SNCAIP: variants seen among roughly 807,000 people sequenced by gnomAD.
SNCAIP encodes the protein synphilin-1.
In SNCAIP, 43 loss-of-function variants were observed where a neutral mutation model predicts 86.7. The ratio of observed to expected loss-of-function variants is 0.50; its 90% CI spans 0.39 to 0.64. The LOEUF (loss-of-function observed/expected upper bound fraction) is 0.64, where lower values mean the gene tolerates loss of function less well. Among genes scored for constraint, SNCAIP ranks in the 30% least tolerant of loss-of-function variants. The pLI is 0.00. For missense variants in SNCAIP, 981 were observed against 1,103.1 expected (o/e 0.89, Z 1.57); for synonymous variants, 417 against 427.2 (o/e 0.98, Z 0.29).
At chr5:122,352,040 T>G (rs1470788814) in intron 1 of SNCAIP, among the ~76,000 whole-genome samples, 1 of 152,238 alleles carries the variant, frequency 6.6e-6, no homozygotes, top group Non-Finnish European at 1.5e-5. Context: ...TTCAAAATCT[T>G]GGATGCTCAG....
At position 122,423,671 on chromosome 5, in the gene SNCAIP, A is replaced by G. The variant is rs1776834086; in HGVS notation, c.934A>G (p.Arg312Gly). The change falls in exon 4 of 11, where the codon AGG becomes GGG. Residue 312 changes from arginine (R) to glycine (G), a missense_variant. Transcript: ENST00000261368. The part of the protein sequence containing the change: ...NRTSSQGPEE[R>G]SEYLKKVKSI... ...GACCAGCTCCCAAGGCCCAGAAGAA[A>G]GGAGTGAGTATCTGAAAAAAGTGAA... The G allele has an allele frequency of 6.2e-7, 1 of 1,609,944 alleles. No individual in the cohort carries two copies.
chr5:122,313,894 C>T (rs1250225885), intron 1 of SNCAIP, among the ~76,000 whole-genome samples: 1 of 152,152 alleles, frequency 6.6e-6, no homozygotes. Flanking sequence ...ATCTTTTGGA[C>T]ACCTCAGTTA....
chr5:122,445,253 A>C (rs939153892), intron 8 of SNCAIP, among the ~76,000 whole-genome samples: 2 of 152,236 alleles, frequency 1.3e-5, no homozygotes, highest in African/African-American at 4.8e-5. Context: ...ATGAATCTTC[A>C]TAATAAAAAA....
intron 1 of SNCAIP, among the ~76,000 whole-genome samples, chr5:122,341,040 C>T (rs760323899): frequency 2.0e-5 from 3 of 152,152 alleles, no homozygotes; most frequent in African/African-American, 7.2e-5. Context: ...TCTGGCCCAC[C>T]ACCCTTCCCC....
chr5:122,390,308 T>C (rs1394582372), intron 1 of SNCAIP, among the ~76,000 whole-genome samples: 1 of 152,164 alleles, frequency 6.6e-6, no homozygotes, highest in African/African-American at 2.4e-5. Flanking sequence ...TAGGTGCCTC[T>C]GCCGCCGCTG....
intron 3 of SNCAIP, among the ~76,000 whole-genome samples, chr5:122,415,967 G>A (rs1161798997): frequency 1.3e-5 from 2 of 152,198 alleles, no homozygotes; most frequent in Non-Finnish European, 2.9e-5. Flanking sequence ...ACAATAATGC[G>A]AAGACCACGT....
intron 1 of SNCAIP, among the ~76,000 whole-genome samples, chr5:122,338,837 A>T (rs1757006822): frequency 6.6e-6 from 1 of 152,160 alleles, no homozygotes; most frequent in Non-Finnish European, 1.5e-5. Context: ...ATGAGAGTTG[A>T]GTATGTAGAG....
chr5:122,440,897 G>T, intron 7 of SNCAIP, 143 bp downstream of exon 7: 3 of 796,348 alleles, frequency 3.8e-6, no homozygotes, highest in East Asian at 2.7e-5. Context: ...TGCTCTATTT[G>T]TGTTTCCAGA....
At position 122,423,416 on chromosome 5, in the gene SNCAIP, G is replaced by A. The variant is rs140366495; in HGVS notation, c.679G>A (p.Asp227Asn). 10 of 1,613,744 alleles carry A rather than the reference G, an allele frequency of 6.2e-6. No individual in the cohort carries two copies. The highest frequency in any genetic ancestry group is 4.5e-5 in the East Asian group (2 of 44,894). Residue 227 changes from aspartate to asparagine, a missense_variant, in exon 4 of 11, where the codon GAC (aspartate) becomes AAC (asparagine). Physicochemically the swap from Asp to Asn is conservative, Grantham distance 23 (BLOSUM62 1). Coordinates refer to ENST00000261368, the MANE Select transcript of SNCAIP (RefSeq NM_005460.4). Reference protein sequence around the residue: ...HLRKASAVIHDQHKLSTEETE... With the variant: ...HLRKASAVIHNQHKLSTEETE... ...GAGAAAAGCATCAGCTGTCATCCAC[G>A]ACCAGCACAAGCTGTCCACTGAAGA...
At chr5:122,435,374 A>G (rs888005024) in intron 6 of SNCAIP, among the ~76,000 whole-genome samples, 12 of 152,170 alleles carry the variant, frequency 7.9e-5, no homozygotes, top group African/African-American at 2.9e-4. Flanking sequence ...TTATTCAAAC[A>G]TGAAGGTTCA....
At chr5:122,460,254 T>G (rs892169815) in intron 10 of SNCAIP, among the ~76,000 whole-genome samples, 4 of 152,024 alleles carry the variant, frequency 2.6e-5, no homozygotes, top group Admixed American at 2.0e-4. Context: ...CCTGAGCAGC[T>G]AGAACTACCA....
intron 6 of SNCAIP, among the ~76,000 whole-genome samples, chr5:122,437,615 C>T (rs367725100): frequency 9.9e-5 from 15 of 152,256 alleles, no homozygotes; most frequent in East Asian, 7.7e-4. Flanking sequence ...CTAGGCAAAA[C>T]CTTGTTCTGA....
intron 1 of SNCAIP, among the ~76,000 whole-genome samples, chr5:122,385,063 C>G (rs756356657): frequency 1.3e-5 from 2 of 152,250 alleles, no homozygotes; most frequent in Non-Finnish European, 2.9e-5. Flanking sequence ...ATTCACACCT[C>G]CATCCTTCGG....
chr5:122,363,576 G>A (rs945309645), intron 1 of SNCAIP, among the ~76,000 whole-genome samples: 3 of 151,932 alleles, frequency 2.0e-5, no homozygotes, highest in Non-Finnish European at 2.9e-5. Flanking sequence ...AAACACAAGT[G>A]TGTTTAATTT....
At chr5:122,377,697 A>T (rs1429919643) in intron 1 of SNCAIP, among the ~76,000 whole-genome samples, 4 of 74,354 alleles carry the variant, frequency 5.4e-5, no homozygotes, top group African/African-American at 2.2e-4. Context: ...CCCTCCCCCC[A>T]CCCCACAACA....
At chr5:122,400,889 C>A in intron 2 of SNCAIP, 1 of 1,250,862 alleles carries the variant, frequency 8.0e-7, no homozygotes, top group South Asian at 1.7e-5. Flanking sequence ...TGGGAATAAC[C>A]TCTGGAAGAC....
chr5:122,448,559 A>T lies in SNCAIP; in HGVS notation c.1593-1286A>T, dbSNP rs900206297. Reference sequence around the variant, plus strand: ...TGAAGTATATCCTTCCATATTTTTTATATATATATATCCTTCCATATTTTA... The same window carrying T: ...TGAAGTATATCCTTCCATATTTTTTTTATATATATATCCTTCCATATTTTA... On this transcript the variant is annotated intron_variant, in intron 8 of 10. Transcript: ENST00000261368. Among the ~76,000 whole-genome samples the T allele has an allele frequency of 2.6e-4, 37 of 143,822 alleles. No individual in the cohort carries two copies. The East Asian group carries it at 5.3e-3, about 20-fold the overall frequency. The allele number at this position is 143,822 out of a possible 152,430, so 94.4% of individuals were successfully genotyped here.
intron 3 of SNCAIP, among the ~76,000 whole-genome samples, chr5:122,405,133 C>T (rs1272609369): frequency 6.6e-6 from 1 of 152,186 alleles, no homozygotes; most frequent in Non-Finnish European, 1.5e-5. Context: ...ACACAGGTAG[C>T]TGACTGCAGT....
chr5:122,452,741 T>TA (rs1232747170), intron 10 of SNCAIP, among the ~76,000 whole-genome samples: 1 of 152,194 alleles, frequency 6.6e-6, no homozygotes, highest in Admixed American at 6.6e-5. Context: ...CCAGGTAACT[T>TA]ACTGGGTTCT....
Sources: allele counts gnomAD v4.1 joint callset (sites outside exome capture counted in the v4.1 genomes callset), GRCh38; gene constraint gnomAD v4.1.1; transcripts MANE v1.5; gene names NCBI Gene and HGNC (gene_info 2026-07-23, HGNC 2026-07-21).